The following NOS1AP variants were observed in gnomAD, a reference collection of about 807,000 sequenced individuals.
The protein encoded by NOS1AP is carboxyl-terminal PDZ ligand of neuronal nitric oxide synthase protein.
In NOS1AP, 21 loss-of-function variants were observed where a neutral mutation model predicts 56.2. The ratio of observed to expected loss-of-function variants is 0.37; its 90% confidence interval spans 0.26 to 0.54. The LOEUF is 0.54. Ranked by LOEUF, NOS1AP falls within the 20% of genes least tolerant of loss-of-function variation. The probability of loss-of-function intolerance (pLI) is 0.84; values close to 1 mark genes in which losing one functional copy is unlikely to be tolerated. For synonymous variants in NOS1AP, 270 were observed against 274.6 expected, an observed-to-expected ratio of 0.98 and a Z score of 0.17; for missense variants, 522 against 657.8, an observed-to-expected ratio of 0.79 and a Z score of 2.26.
intron 2 of NOS1AP, among the ~76,000 whole-genome samples, chr1:162,182,918 C>A (rs1651309799): frequency 6.6e-6 from 1 of 152,190 alleles, no homozygotes; most frequent in Non-Finnish European, 1.5e-5. Flanking sequence ...TTCCAAGCTC[C>A]TGTTGATGTT....
chr1:162,169,344 A>G (rs1458811649), intron 2 of NOS1AP, among the ~76,000 whole-genome samples: 1 of 152,216 alleles, frequency 6.6e-6, no homozygotes, highest in Non-Finnish European at 1.5e-5. Context: ...ATGACACTTA[A>G]TTGAAGTAAG....
At chr1:162,126,437 C>A (rs1648491108) in intron 1 of NOS1AP, among the ~76,000 whole-genome samples, 1 of 151,974 alleles carries the variant, frequency 6.6e-6, no homozygotes, top group South Asian at 2.1e-4. Context: ...CATATCCTTC[C>A]TAATGCATCA....
At chr1:162,347,909 T>C (rs1657355186) in intron 6 of NOS1AP, among the ~76,000 whole-genome samples, 1 of 152,168 alleles carries the variant, frequency 6.6e-6, no homozygotes, top group Non-Finnish European at 1.5e-5. Flanking sequence ...TACTCATCCT[T>C]CAAGCCCAGC....
intron 1 of NOS1AP, among the ~76,000 whole-genome samples, chr1:162,099,083 T>C (rs547934538): frequency 7.2e-5 from 11 of 152,332 alleles, no homozygotes; most frequent in Non-Finnish European, 1.5e-4. Context: ...TTTGAGGAAC[T>C]GCCACACTGC....
At chr1:162,144,065 A>G (rs1649348863) in intron 1 of NOS1AP, among the ~76,000 whole-genome samples, 1 of 152,164 alleles carries the variant, frequency 6.6e-6, no homozygotes, top group Non-Finnish European at 1.5e-5. Flanking sequence ...CCATTCCCAA[A>G]GTCATTCAGA....
At chr1:162,088,076 C>T (rs184802734) in intron 1 of NOS1AP, among the ~76,000 whole-genome samples, 12 of 151,994 alleles carry the variant, frequency 7.9e-5, no homozygotes, top group Admixed American at 5.2e-4. Context: ...TCAAATTCTG[C>T]GGAAAGGCAA....
intron 1 of NOS1AP, among the ~76,000 whole-genome samples, chr1:162,077,914 A>G (rs868775333): frequency 6.6e-6 from 1 of 151,662 alleles, no homozygotes; most frequent in Non-Finnish European, 1.5e-5. Context: ...CTTCCTTCCA[A>G]CTTCTGTCCT....
intron 5 of NOS1AP, 124 bp downstream of exon 5, chr1:162,333,249 C>T (rs1379538550): frequency 2.5e-5 from 18 of 715,520 alleles, no homozygotes; most frequent in Admixed American, 8.0e-5. Flanking sequence ...CTATCTCAGT[C>T]GTCTGTCATT....
At chr1:162,115,078 C>T (rs1272231339) in intron 1 of NOS1AP, among the ~76,000 whole-genome samples, 1 of 152,220 alleles carries the variant, frequency 6.6e-6, no homozygotes, top group Non-Finnish European at 1.5e-5. Context: ...TGTTCATTCA[C>T]TTACAGATTG....
At chr1:162,313,659 G>A (rs1656125525) in intron 4 of NOS1AP, among the ~76,000 whole-genome samples, 1 of 152,198 alleles carries the variant, frequency 6.6e-6, no homozygotes, top group African/African-American at 2.4e-5. Flanking sequence ...GAGTGTAATG[G>A]GGAGAGTATC....
At chr1:162,166,039 T>C (rs917365307) in intron 2 of NOS1AP, among the ~76,000 whole-genome samples, 7 of 152,210 alleles carry the variant, frequency 4.6e-5, no homozygotes, top group African/African-American at 1.7e-4. Flanking sequence ...CAGGGTCACC[T>C]TTCTTCTCTG....
intron 1 of NOS1AP, among the ~76,000 whole-genome samples, chr1:162,136,593 T>G (rs1462394973): frequency 2.6e-5 from 4 of 152,214 alleles, no homozygotes; most frequent in Non-Finnish European, 5.9e-5. Context: ...ACTCTCATTC[T>G]CTCACTGCTT....
chr1:162,275,266 C>T (rs1233704679), intron 2 of NOS1AP, among the ~76,000 whole-genome samples: 20 of 152,078 alleles, frequency 1.3e-4, no homozygotes, highest in Non-Finnish European at 1.5e-5. Flanking sequence ...CAACCTCTGC[C>T]TCCTGGGTTC....
At chr1:162,104,443 A>C (rs1278531940) in intron 1 of NOS1AP, among the ~76,000 whole-genome samples, 1 of 152,070 alleles carries the variant, frequency 6.6e-6, no homozygotes, top group Non-Finnish European at 1.5e-5. Context: ...TCTGAATTTG[A>C]ATGTTGGCAT....
At position 162,261,464 on chromosome 1, in the gene NOS1AP, GAGTC is replaced by G. The variant is rs780661514; in HGVS notation, c.178-25877_178-25874del. Among the ~76,000 whole-genome samples the G allele has an allele frequency of 1.5e-3, 16 of 10,760 alleles. 1 individual carries two copies. The highest frequency in any genetic ancestry group is 4.3e-3 in the African/African-American group (16 of 3,754). The allele number at this position is 10,760 out of a possible 152,430, so 7.1% of individuals were successfully genotyped here. A position where few individuals can be genotyped will look rare whatever the true frequency, so the allele number is the denominator to read the frequency against. ...GTCCTTATAGAAGAGAGGCAGCGGG[GAGTC>G]AGAGAGAGAGAGAGAGAGAGAGAGA... On this transcript the variant is annotated intron_variant, in intron 2 of 9. Coordinates refer to ENST00000361897, the MANE Select transcript of NOS1AP (RefSeq NM_014697.3).
intron 4 of NOS1AP, among the ~76,000 whole-genome samples, chr1:162,320,093 G>C (rs375579691): frequency 3.3e-5 from 5 of 152,266 alleles, no homozygotes; most frequent in African/African-American, 1.2e-4. Context: ...CCTCAGGGCA[G>C]TCTCTGAAGC....
chr1:162,328,937 T>C (rs772464966), intron 4 of NOS1AP, among the ~76,000 whole-genome samples: 28 of 152,152 alleles, frequency 1.8e-4, no homozygotes, highest in African/African-American at 2.9e-4. Flanking sequence ...GTTGCTGCTG[T>C]TGTTGTTGTT....
chr1:162,070,323 TGGG>T (rs758556561), intron 1 of NOS1AP, 41 bp downstream of exon 1: 1 of 1,530,344 alleles, frequency 6.5e-7, no homozygotes, highest in Non-Finnish European at 9.0e-7. Flanking sequence ...TGGTGGCGGT[TGGG>T]GGGGCATGTT....
At chr1:162,304,302 A>T (rs988823597) in intron 4 of NOS1AP, among the ~76,000 whole-genome samples, 1 of 152,142 alleles carries the variant, frequency 6.6e-6, no homozygotes, top group Non-Finnish European at 1.5e-5. Context: ...TGCCTTTGCT[A>T]AACATCAGTT....
Sources: allele counts gnomAD v4.1 joint callset (sites outside exome capture counted in the v4.1 genomes callset), GRCh38; gene constraint gnomAD v4.1.1; transcripts MANE v1.5; gene names NCBI Gene and HGNC (gene_info 2026-07-23, HGNC 2026-07-21).